The following PLXNA2 variants were observed in gnomAD, a reference collection of about 807,000 sequenced individuals.
PLXNA2 encodes plexin-A2.
PLXNA2 carries 91 observed loss-of-function variants against 193.5 expected under a neutral mutation model. That is an observed-to-expected ratio of 0.47 (90% CI 0.40 to 0.56). PLXNA2 has a LOEUF of 0.56. PLXNA2 is among the 20% of genes least tolerant of loss of function. PLXNA2 has a pLI of 0.00. For synonymous variants in PLXNA2, 997 were observed against 1,027.3 expected (o/e 0.97, Z 0.56); for missense variants, 1,995 against 2,503.2 (o/e 0.80, Z 4.33).
intron 8 of PLXNA2, among the ~76,000 whole-genome samples, chr1:208,094,983 C>T (rs759460481): frequency 6.6e-6 from 1 of 152,220 alleles, no homozygotes; most frequent in Non-Finnish European, 1.5e-5. Flanking sequence ...ATAGCTTGGA[C>T]CCTACAGACT....
chr1:208,109,014 T>C (rs1180303705), intron 4 of PLXNA2, among the ~76,000 whole-genome samples: 2 of 149,132 alleles, frequency 1.3e-5, no homozygotes, highest in Non-Finnish European at 3.0e-5. Context: ...CTTTCTTCCC[T>C]GGAATCTTCC....
At chr1:208,080,807 C>A (rs1666313638) in intron 11 of PLXNA2, among the ~76,000 whole-genome samples, 1 of 152,164 alleles carries the variant, frequency 6.6e-6, no homozygotes, top group African/African-American at 2.4e-5. Flanking sequence ...AGTGGGCATC[C>A]TTCCCTCCAC....
intron 1 of PLXNA2, among the ~76,000 whole-genome samples, chr1:208,231,457 T>A (rs1033467573): frequency 6.6e-6 from 1 of 152,120 alleles, no homozygotes; most frequent in Non-Finnish European, 1.5e-5. Context: ...TGAAGGCACA[T>A]GTGCACACAG....
chr1:208,238,067 A>G (rs1671925227), intron 1 of PLXNA2, among the ~76,000 whole-genome samples: 1 of 152,206 alleles, frequency 6.6e-6, no homozygotes, highest in Non-Finnish European at 1.5e-5. Context: ...GAGGCTGTTT[A>G]GACAGAACAA....
At chr1:208,043,331 G>T in intron 20 of PLXNA2, 128 bp from the exon 21 acceptor site, 1 of 808,190 alleles carries the variant, frequency 1.2e-6, no homozygotes, top group Non-Finnish European at 1.9e-6. Context: ...ACGGGAGTGT[G>T]TCTCCAGAGG....
At chr1:208,087,864 A>G (rs566535197) in intron 9 of PLXNA2, among the ~76,000 whole-genome samples, 23 of 152,242 alleles carry the variant, frequency 1.5e-4, no homozygotes, top group African/African-American at 5.1e-4. Flanking sequence ...GAAGGGTTTA[A>G]TCAGATACAA....
In PLXNA2 at chr1:208,038,870, T is replaced by G; in HGVS notation, c.4615A>C (p.Asn1539His). 1 of 1,614,086 alleles carries G rather than the reference T, an allele frequency of 6.2e-7. No individual in the cohort carries two copies. The highest frequency in any genetic ancestry group is 8.5e-7 in the Non-Finnish European group (1 of 1,180,016). The change falls in exon 25 of 32, where the codon AAT becomes CAT. Residue 1539 changes from asparagine to histidine, a missense_variant. Coordinates refer to ENST00000367033, the MANE Select transcript of PLXNA2 (RefSeq NM_025179.4). This position sits in a 1 kb window ranked among gnomAD's most constrained non-coding sequence, Gnocchi z 4.1. The stretch of plus-strand genomic sequence containing the variant: ...CTCGGCCGCTGGGAATAGGGCACAT[T>G]CTTATACACGGCATCAAGAATCTTC... ...KEKILDAVYK[N>H]VPYSQRPRAV...
At chr1:208,138,648 G>A (rs1426310661) in intron 4 of PLXNA2, among the ~76,000 whole-genome samples, 1 of 152,256 alleles carries the variant, frequency 6.6e-6, no homozygotes, top group African/African-American at 2.4e-5. Context: ...ACTTTGGGAG[G>A]CCGAGGTGGA....
intron 3 of PLXNA2, among the ~76,000 whole-genome samples, chr1:208,197,385 C>T (rs2102576187): frequency 6.6e-6 from 1 of 152,368 alleles, no homozygotes; most frequent in East Asian, 1.9e-4. Flanking sequence ...CACTGACAGT[C>T]ACCGAAGCTG....
chr1:208,179,311 C>G (rs910544364), intron 3 of PLXNA2, among the ~76,000 whole-genome samples: 2 of 152,290 alleles, frequency 1.3e-5, no homozygotes, highest in African/African-American at 4.8e-5. Context: ...TTCCCGTCCT[C>G]GGTCAAGGGG....
chr1:208,054,923 C>T (rs1207853258), intron 13 of PLXNA2, among the ~76,000 whole-genome samples: 2 of 152,178 alleles, frequency 1.3e-5, no homozygotes, highest in Non-Finnish European at 2.9e-5. Context: ...AGCTGACGCT[C>T]TCTCCTATGT....
intron 3 of PLXNA2, among the ~76,000 whole-genome samples, chr1:208,149,120 G>T (rs1212717521): frequency 2.6e-5 from 4 of 152,112 alleles, no homozygotes; most frequent in Non-Finnish European, 5.9e-5. Context: ...CTATGCTTTT[G>T]TGGTCTATTA....
At chr1:208,040,777 C>A (rs1340352452) in intron 22 of PLXNA2, among the ~76,000 whole-genome samples, 2 of 152,172 alleles carry the variant, frequency 1.3e-5, no homozygotes, top group African/African-American at 4.8e-5. Context: ...GTCTTGGATC[C>A]CAGCCCTCAG....
intron 20 of PLXNA2, 121 bp from the exon 21 acceptor site, chr1:208,043,324 G>C: frequency 1.1e-6 from 1 of 891,720 alleles, no homozygotes; most frequent in Non-Finnish European, 1.7e-6. Flanking sequence ...GAGGATTACG[G>C]GAGTGTGTCT....
intron 3 of PLXNA2, among the ~76,000 whole-genome samples, chr1:208,158,289 T>C (rs1008151658): frequency 1.3e-5 from 2 of 152,190 alleles, no homozygotes; most frequent in Admixed American, 6.5e-5. Flanking sequence ...TTCCCTTCCT[T>C]GTCTCTCTCC....
intron 15 of PLXNA2, 125 bp from the exon 16 acceptor site, chr1:208,051,548 T>C (rs1482699895): frequency 8.6e-6 from 6 of 695,122 alleles, no homozygotes; most frequent in Non-Finnish European, 1.5e-5. Context: ...CATCCTTTTA[T>C]ATTCTACAAC....
chr1:208,126,901 T>A (rs185448162), intron 4 of PLXNA2, among the ~76,000 whole-genome samples: 55 of 152,304 alleles, frequency 3.6e-4, no homozygotes, highest in Admixed American at 9.8e-4. Context: ...GCAGGCACAC[T>A]GTGTCCTGGG....
chr1:208,177,672 A>T (rs939952047), intron 3 of PLXNA2, among the ~76,000 whole-genome samples: 5 of 152,252 alleles, frequency 3.3e-5, no homozygotes, highest in Non-Finnish European at 7.3e-5. Flanking sequence ...TGAAACATAA[A>T]ACAACAGCCA....
At chr1:208,033,210 T>G (rs543492941) in intron 28 of PLXNA2, 109 bp downstream of exon 28, 3 of 1,083,402 alleles carry the variant, frequency 2.8e-6, no homozygotes, top group African/African-American at 1.6e-5. Context: ...CTGGACTGTC[T>G]GAATGGGTCC....
Sources: allele counts gnomAD v4.1 joint callset (sites outside exome capture counted in the v4.1 genomes callset), GRCh38; gene constraint gnomAD v4.1.1; non-coding constraint Gnocchi (gnomAD v3.1); transcripts MANE v1.5; gene names NCBI Gene and HGNC (gene_info 2026-07-23, HGNC 2026-07-21).